The following PHC3 variants were observed in gnomAD, a reference collection of about 807,000 sequenced individuals.
The protein encoded by PHC3 is polyhomeotic homolog 3.
In PHC3, 13 loss-of-function variants were observed where a neutral mutation model predicts 107.4. The observed-to-expected ratio is 0.12, with a 90% CI of 0.08 to 0.19. PHC3 has a LOEUF of 0.19. PHC3 is among the 10% of genes least tolerant of loss of function. The pLI is 1.00. For synonymous variants in PHC3, 456 were observed against 427.4 expected, an observed-to-expected ratio of 1.07 and a Z score of -0.83; for missense variants, 992 against 1,210.9, an observed-to-expected ratio of 0.82 and a Z score of 2.68.
In PHC3 at chr3:170,136,487, C is replaced by T. The variant is rs527641382; in HGVS notation, c.851G>A (p.Ser284Asn). Residue 284 changes from serine to asparagine, a missense_variant, in exon 7 of 15, where the codon AGC becomes AAC. Around this residue, in one of 6 missense-constraint regions of PHC3, gnomAD observed 543 missense variants for 590.8 expected, o/e 0.92. Transcript: ENST00000495893. ...TGTGCTTCGTGATTCCAGGCTTGGG[C>T]TCTCTCCTTTCTTATTACTTTCTGG... ...PSPESNKKGESPSLESRSTAV... is the reference protein window; with the variant it reads ...PSPESNKKGENPSLESRSTAV... 1 of 1,605,856 alleles carries T rather than the reference C, an allele frequency of 6.2e-7. No individual in the cohort carries two copies. Among genetic ancestry groups the T allele is most frequent in the South Asian group, 1.1e-5 (1 of 89,282 alleles).
intron 4 of PHC3, among the ~76,000 whole-genome samples, chr3:170,168,544 T>A (rs565329253): frequency 6.6e-6 from 1 of 151,758 alleles, no homozygotes; most frequent in Admixed American, 6.5e-5. Context: ...GGCAGGTGGA[T>A]CACAAGGTCA....
intron 4 of PHC3, among the ~76,000 whole-genome samples, chr3:170,154,362 G>A (rs1015859690): frequency 6.6e-6 from 1 of 152,020 alleles, no homozygotes; most frequent in Non-Finnish European, 1.5e-5. Flanking sequence ...TGGCATTCGG[G>A]GTACTTTTTT....
intron 8 of PHC3, chr3:170,125,813 CA>C (rs746998176): frequency 3.4e-5 from 6 of 178,706 alleles, no homozygotes; most frequent in Non-Finnish European, 5.4e-5. Context: ...TCAGCATTAA[CA>C]AATCTAAATG....
At chr3:170,134,019 T>C (rs1410087747) in intron 7 of PHC3, among the ~76,000 whole-genome samples, 3 of 152,054 alleles carry the variant, frequency 2.0e-5, no homozygotes, top group Non-Finnish European at 2.9e-5. Flanking sequence ...CTAAGGACCA[T>C]GGGTCACCAT....
intron 9 of PHC3, among the ~76,000 whole-genome samples, 180 bp downstream of exon 9, chr3:170,122,411 C>T (rs1234182420): frequency 6.6e-6 from 1 of 152,066 alleles, no homozygotes; most frequent in Non-Finnish European, 1.5e-5. Flanking sequence ...CAAGACCAGC[C>T]TAAGCAACAT....
chr3:170,129,657 G>A, intron 7 of PHC3, 105 bp from the exon 8 acceptor site: 3 of 1,137,326 alleles, frequency 2.6e-6, no homozygotes, highest in Non-Finnish European at 2.5e-6. Flanking sequence ...ATAATCATCA[G>A]AATTCTATTA....
chr3:170,117,625 T>C (rs1466462026), intron 9 of PHC3, 149 bp from the exon 10 acceptor site: 2 of 772,902 alleles, frequency 2.6e-6, no homozygotes. Flanking sequence ...ATTTAATCTG[T>C]ACAATAATCT....
chr3:170,145,544 A>G lies in PHC3; in HGVS notation c.574-23T>C, dbSNP rs760181807. ...CAGCTGTACAGACAGAAAACCAAAA[A>G]AATACCCTAAGACAAAAGAACATGT... is the stretch of plus-strand genomic sequence containing the variant. On this transcript the variant is annotated intron_variant, in intron 5 of 14. Transcript: ENST00000495893. 11 of 1,559,708 alleles carry G rather than the reference A, an allele frequency of 7.1e-6. No individual in the cohort carries two copies. In the South Asian group the frequency reaches 1.1e-4, roughly 16 times the overall value.
chr3:170,143,514 C>T (rs1560088359), intron 6 of PHC3, among the ~76,000 whole-genome samples: 1 of 151,762 alleles, frequency 6.6e-6, no homozygotes, highest in East Asian at 1.9e-4. Flanking sequence ...TATTTTTTAC[C>T]AGAAGATTGA....
At chr3:170,151,854 T>C (rs2108610137) in intron 4 of PHC3, among the ~76,000 whole-genome samples, 1 of 152,234 alleles carries the variant, frequency 6.6e-6, no homozygotes, top group South Asian at 2.1e-4. Flanking sequence ...GCCCAAGACA[T>C]TAACATCTGA....
At chr3:170,173,495 T>C (rs1238153886) in intron 2 of PHC3, among the ~76,000 whole-genome samples, 4 of 152,176 alleles carry the variant, frequency 2.6e-5, no homozygotes, top group African/African-American at 9.7e-5. Context: ...CCATAACAAA[T>C]AGTAATGTAG....
chr3:170,117,124 G>T, intron 10 of PHC3, 102 bp downstream of exon 10: 1 of 1,416,358 alleles, frequency 7.1e-7, no homozygotes, highest in Non-Finnish European at 9.7e-7. Context: ...CAACTTTCTT[G>T]AAATAAAATT....
chr3:170,106,952 AAAG>A lies in PHC3; in HGVS notation c.2354-9_2354-7del. Reference sequence around the variant, plus strand: ...GTCCATTTCTTCTAATGTCTCTAAAAAAGAAGGAAACAAAGGAAAAAAAGGTTC... The same window carrying A: ...GTCCATTTCTTCTAATGTCTCTAAAAAAGGAAACAAAGGAAAAAAAGGTTC... On this transcript the variant is annotated splice_polypyrimidine_tract_variant and splice_region_variant and intron_variant, in intron 11 of 14. Coordinates refer to ENST00000495893, the MANE Select transcript of PHC3 (RefSeq NM_024947.4). 6.3e-7 allele frequency: 1 copy of A among 1,577,026 alleles called. No individual in the cohort carries two copies. Among genetic ancestry groups the A allele is most frequent in the Non-Finnish European group, 8.6e-7 (1 of 1,163,380 alleles).
chr3:170,152,424 G>C (rs1726153977), intron 4 of PHC3, among the ~76,000 whole-genome samples: 3 of 146,014 alleles, frequency 2.1e-5, no homozygotes, highest in African/African-American at 7.7e-5. Context: ...CTGACCTCAC[G>C]ATCCCTCCCC....
intron 11 of PHC3, among the ~76,000 whole-genome samples, 168 bp downstream of exon 11, chr3:170,113,192 T>C (rs542365234): frequency 2.2e-4 from 34 of 152,358 alleles, no homozygotes; most frequent in Non-Finnish European, 4.6e-4. Context: ...TATGTGACCA[T>C]TGAGAGTCTG....
At chr3:170,146,541 T>G (rs1361444661) in intron 5 of PHC3, among the ~76,000 whole-genome samples, 2 of 147,166 alleles carry the variant, frequency 1.4e-5, no homozygotes. Context: ...TTTTCTTTTT[T>G]TTTTTTTTTT....
chr3:170,166,588 C>T (rs1442196513), intron 4 of PHC3, among the ~76,000 whole-genome samples: 1 of 152,086 alleles, frequency 6.6e-6, no homozygotes, highest in Non-Finnish European at 1.5e-5. Flanking sequence ...ATACATCCTG[C>T]ATATGGGCAT....
At chr3:170,098,232 G>T (rs1302649350) in intron 14 of PHC3, among the ~76,000 whole-genome samples, 1 of 152,060 alleles carries the variant, frequency 6.6e-6, no homozygotes, top group Non-Finnish European at 1.5e-5. Flanking sequence ...TAAGGGTAAA[G>T]AAACCAATAG....
intron 6 of PHC3, among the ~76,000 whole-genome samples, chr3:170,144,437 C>G (rs1177798235): frequency 6.6e-6 from 1 of 151,862 alleles, no homozygotes; most frequent in South Asian, 2.1e-4. Context: ...CTGAGTACCG[C>G]TGCTATAAAC....
Sources: gnomAD v4.1 joint callset for allele counts (sites outside exome capture counted in the v4.1 genomes callset) on GRCh38, gnomAD v4.1.1 for gene constraint, gnomAD v4.1.1 regional missense constraint, MANE v1.5 for transcripts, NCBI Gene and HGNC (gene_info 2026-07-23, HGNC 2026-07-21) for gene names.